Variants in ANK2 observed in about 807,000 individuals in gnomAD.
ANK2 encodes ankyrin-2.
ANK2 carries 83 observed loss-of-function variants against 360.5 expected under a neutral mutation model. The observed-to-expected ratio is 0.23, with a 90% CI of 0.19 to 0.28. ANK2 has a LOEUF of 0.28. ANK2 is among the 10% of genes least tolerant of loss of function. The pLI is 1.00. For synonymous variants in ANK2, 1,740 were observed against 1,759.5 expected, an observed-to-expected ratio of 0.99 and a Z score of 0.28; for missense variants, 4,201 against 4,795.7, an observed-to-expected ratio of 0.88 and a Z score of 3.66.
intron 24 of ANK2, among the ~76,000 whole-genome samples, chr4:113,316,849 G>A (rs1190718415): frequency 1.3e-5 from 2 of 152,208 alleles, no homozygotes; most frequent in Non-Finnish European, 2.9e-5. Flanking sequence ...AAAATGTAAT[G>A]CATGGTTTAT....
At chr4:113,072,598 G>A (rs1470000579) in intron 1 of ANK2, among the ~76,000 whole-genome samples, 2 of 152,168 alleles carry the variant, frequency 1.3e-5, no homozygotes. Flanking sequence ...CAGGGTGTGA[G>A]AGCACCTCAG....
the ANK2 span, among the ~76,000 whole-genome samples, chr4:112,716,218 G>A: frequency 9.7e-3 from 1,470 of 152,096 alleles, 24 homozygotes; most frequent in African/African-American, 0.033. Flanking sequence ...TGTATTAAAT[G>A]GCAGTAACCA....
chr4:113,236,911 G>A, intron 5 of ANK2, 76 bp from the exon 6 acceptor site: 1 of 1,403,274 alleles, frequency 7.1e-7, no homozygotes, highest in Non-Finnish European at 1.0e-6. Flanking sequence ...TTAAAGATTA[G>A]AGGCATCATT....
At chr4:112,712,548 C>T in the ANK2 span, among the ~76,000 whole-genome samples, 877 of 151,426 alleles carry the variant, frequency 5.8e-3, 5 homozygotes, top group Non-Finnish European at 9.6e-3. Context: ...GCTAGGACTA[C>T]AGGCGCCTGC....
At chr4:113,245,715 C>A (rs1013911881) in intron 9 of ANK2, among the ~76,000 whole-genome samples, 6 of 151,988 alleles carry the variant, frequency 3.9e-5, no homozygotes, top group African/African-American at 1.5e-4. Flanking sequence ...TAGGTGGTGA[C>A]GCCTAAATCA....
chr4:112,866,487 A>G (rs576719054), intron 1 of ANK2, among the ~76,000 whole-genome samples: 50 of 152,346 alleles, frequency 3.3e-4, no homozygotes, highest in African/African-American at 1.0e-3. Flanking sequence ...TATTTTCATA[A>G]CAAACTAAAA....
chr4:113,311,449 A>T (rs751200756), intron 24 of ANK2, 50 bp downstream of exon 24: 1 of 1,600,662 alleles, frequency 6.2e-7, no homozygotes, highest in Non-Finnish European at 8.6e-7. Context: ...TGTGCAACAT[A>T]TTTTTTATGA....
At chr4:113,051,521 C>T (rs564524908) in intron 1 of ANK2, among the ~76,000 whole-genome samples, 3 of 152,116 alleles carry the variant, frequency 2.0e-5, no homozygotes, top group African/African-American at 7.2e-5. Flanking sequence ...AACTTGCATC[C>T]AAAATGAAAG....
At position 113,036,251 on chromosome 4, in the gene ANK2, TAA is replaced by T. The variant is rs5861121; in HGVS notation, c.21+131751_21+131752del. On this transcript the variant is annotated intron_variant, in intron 2 of 30. Coordinates refer to the ANK2 transcript ENST00000503271. Reference sequence around the variant, plus strand: ...TCATAGATTCAAGGACTTTTAGTAGTAAAAAAAAAAAAAAATAGAAAATTATC... The same window carrying T: ...TCATAGATTCAAGGACTTTTAGTAGTAAAAAAAAAAAAATAGAAAATTATC... Among the ~76,000 whole-genome samples the T allele has an allele frequency of 5.3e-3, 756 of 141,528 alleles. 26 individuals are homozygous for T. The East Asian group carries it at 0.092, about 17-fold the overall frequency. 92.8% of individuals were successfully genotyped at this position (141,528 alleles called of 152,430 possible).
intron 1 of ANK2, 98 bp downstream of exon 1, chr4:113,049,910 T>A: frequency 1.4e-6 from 2 of 1,416,662 alleles, no homozygotes; most frequent in Non-Finnish European, 2.0e-6. Flanking sequence ...CGTGGAGCAT[T>A]ATGAGTAACT....
At chr4:112,706,608 A>G in the ANK2 span, 1 of 152,488 alleles carries the variant, frequency 6.6e-6, no homozygotes, top group East Asian at 1.9e-4. Flanking sequence ...CCTGGGGGAA[A>G]GGTACCCCAG....
At chr4:113,178,545 C>G (rs2153232069) in intron 2 of ANK2, among the ~76,000 whole-genome samples, 1 of 147,406 alleles carries the variant, frequency 6.8e-6, no homozygotes, top group South Asian at 2.1e-4. Context: ...GCACTCTAGC[C>G]TGCGCGATAG....
chr4:113,341,714 T>G lies in ANK2; in HGVS notation c.3920T>G (p.Ile1307Ser). Reference protein sequence around the residue: ...ARFWLIDCRQIQESVTFASQV... With the variant: ...ARFWLIDCRQSQESVTFASQV... Reference sequence around the variant, plus strand: ...TTCTGGCTGATAGATTGTCGACAGATCCAGGAATCCGTTACTTTTGCATCA... The same window carrying G: ...TTCTGGCTGATAGATTGTCGACAGAGCCAGGAATCCGTTACTTTTGCATCA... The change falls in exon 33 of 46, where the codon ATC (isoleucine) becomes AGC (serine). Residue 1307 changes from isoleucine to serine, a missense_variant. Coordinates refer to ENST00000357077, the MANE Select transcript of ANK2 (RefSeq NM_001148.6). 1 of 1,614,144 alleles carries G rather than the reference T, an allele frequency of 6.2e-7. No individual in the cohort carries two copies. The highest frequency in any genetic ancestry group is 1.1e-5 in the South Asian group (1 of 91,084).
chr4:113,090,149 A>C (rs1475279785), intron 1 of ANK2, among the ~76,000 whole-genome samples: 1 of 152,194 alleles, frequency 6.6e-6, no homozygotes, highest in Non-Finnish European at 1.5e-5. Flanking sequence ...TCCTAACTCA[A>C]AAGACTTTCC....
chr4:113,021,641 T>A (rs976287188), intron 2 of ANK2, among the ~76,000 whole-genome samples: 6 of 148,796 alleles, frequency 4.0e-5, no homozygotes, highest in African/African-American at 1.5e-4. Context: ...TATAAGGAGA[T>A]AACTTTCTGA....
rs774983230 is a variant in ANK2 at position 113,282,711 on chromosome 4, A to C, written c.1918A>C (p.Asn640His). The C allele has an allele frequency of 6.2e-7, 1 of 1,613,758 alleles. No individual in the cohort carries two copies. Among genetic ancestry groups the C allele is most frequent in the South Asian group, 1.1e-5 (1 of 91,036 alleles). The change falls in exon 18 of 46, where the codon AAT (asparagine) becomes CAT (histidine). Residue 640 changes from asparagine to histidine, a missense_variant. Coordinates refer to ENST00000357077, the MANE Select transcript of ANK2 (RefSeq NM_001148.6). ...TCCGTTACATATTGCTGCCAAGAAG[A>C]ATCAAATGCAGATAGCTTCCACACT... ...YTPLHIAAKK[N>H]QMQIASTLLN... is the part of the protein sequence containing the mutation.
chr4:113,356,671 C>T lies in ANK2; in HGVS notation c.8053C>T (p.Pro2685Ser). 1 of 1,614,102 alleles carries T rather than the reference C, an allele frequency of 6.2e-7. No individual in the cohort carries two copies. Among genetic ancestry groups the T allele is most frequent in the Middle Eastern group, 1.6e-4 (1 of 6,062 alleles). The part of the protein sequence containing the change: ...KGADSGLLPE[P>S]VIRVQPPSPL... The stretch of plus-strand genomic sequence containing the variant: ...TGCTGACTCAGGCCTTTTACCAGAA[C>T]CAGTGATTCGAGTACAACCTCCTTC... Residue 2685 changes from proline (P) to serine (S), a missense_variant, in exon 38 of 46, where the codon CCA (proline) becomes TCA (serine). Transcript: ENST00000357077.
At chr4:113,031,648 GTTTGTTC>G (rs2060437352) in intron 2 of ANK2, among the ~76,000 whole-genome samples, 2 of 151,478 alleles carry the variant, frequency 1.3e-5, no homozygotes, top group African/African-American at 4.9e-5. Context: ...TAGACCAGTG[GTTTGTTC>G]TTTTGTTCTT....
At chr4:113,018,781 G>A (rs1463258214) in intron 2 of ANK2, among the ~76,000 whole-genome samples, 3 of 152,198 alleles carry the variant, frequency 2.0e-5, no homozygotes, top group Non-Finnish European at 2.9e-5. Flanking sequence ...TTTGCAGGTA[G>A]TGTCATTCTT....
Sources: allele counts gnomAD v4.1 joint callset (sites outside exome capture counted in the v4.1 genomes callset), GRCh38; gene constraint gnomAD v4.1.1; transcripts MANE v1.5; gene names NCBI Gene and HGNC (gene_info 2026-07-23, HGNC 2026-07-21).